Variants in FTCD observed in about 807,000 individuals in gnomAD.
The protein encoded by FTCD is formimidoyltransferase cyclodeaminase.
A neutral mutation model predicts 62.9 loss-of-function variants in FTCD; 76 were observed. The observed-to-expected ratio is 1.21, with a 90% confidence interval of 1.00 to 1.46. FTCD has a LOEUF of 1.46. FTCD is among the 40% of genes most tolerant of loss of function. The pLI, the probability that FTCD is intolerant of heterozygous loss-of-function variation, is 0.00. For synonymous variants in FTCD, 397 were observed against 336.9 expected (o/e 1.18, Z -1.95); for missense variants, 845 against 751.3 (o/e 1.12, Z -1.46).
intron 13 of FTCD, 31 bp downstream of exon 13, chr21:46,137,208 G>A (rs377363065): frequency 5.1e-6 from 8 of 1,582,792 alleles, no homozygotes; most frequent in South Asian, 1.1e-5. Context: ...CCCCACGTGG[G>A]GTCCGGGCAC....
chr21:46,146,458 A>C (rs1008490758), intron 7 of FTCD, 131 bp from the exon 8 acceptor site: 20 of 702,750 alleles, frequency 2.8e-5, no homozygotes, highest in Non-Finnish European at 4.6e-5. Context: ...TGCGGGGAGC[A>C]GGGCAGGGGC....
At position 46,154,336 on chromosome 21, in the gene FTCD, G is replaced by A; in HGVS notation, c.55-4C>T. ...CTCCAGAGATGGCGTCGATCACCTG[G>A]GACACAGGCCCGGCCCCCACACCTC... On this transcript the variant is annotated splice_region_variant and splice_polypyrimidine_tract_variant and intron_variant, in intron 1 of 13. Transcript: ENST00000397746. 2 of 1,608,632 alleles carry A rather than the reference G, an allele frequency of 1.2e-6. No individual in the cohort carries two copies. Among genetic ancestry groups the A allele is most frequent in the Non-Finnish European group, 1.7e-6 (2 of 1,178,860 alleles).
At chr21:46,140,263 C>A (rs1265996325) in intron 10 of FTCD, among the ~76,000 whole-genome samples, 6 of 148,844 alleles carry the variant, frequency 4.0e-5, no homozygotes, top group African/African-American at 1.0e-4. Context: ...CAGCACTCCC[C>A]GTCCACCTTC....
intron 10 of FTCD, chr21:46,142,076 G>C (rs915691388): frequency 1.3e-5 from 2 of 152,298 alleles, no homozygotes; most frequent in African/African-American, 4.8e-5. Context: ...CCCCCGAAGG[G>C]CCTATCTACT....
chr21:46,136,559 G>A, downstream of FTCD: 3 of 1,588,188 alleles, frequency 1.9e-6, no homozygotes, highest in African/African-American at 1.3e-5. Flanking sequence ...CCAGGGACCT[G>A]CACTGAACCC....
chr21:46,150,280 G>A, intron 6 of FTCD, 30 bp from the exon 7 acceptor site: 1 of 1,608,626 alleles, frequency 6.2e-7, no homozygotes, highest in African/African-American at 1.3e-5. Context: ...GTCACCCCCT[G>A]GGGGCTGGCT....
intron 10 of FTCD, among the ~76,000 whole-genome samples, chr21:46,143,369 C>G (rs1474290811): frequency 6.6e-6 from 1 of 151,640 alleles, no homozygotes; most frequent in African/African-American, 2.4e-5. Flanking sequence ...CCTACCCCCC[C>G]TCCCCATCTC....
chr21:46,139,502 T>C (rs1017978376), intron 10 of FTCD, among the ~76,000 whole-genome samples: 2 of 152,168 alleles, frequency 1.3e-5, no homozygotes, highest in Non-Finnish European at 2.9e-5. Context: ...AAGGACCCAC[T>C]GGGAGCCCTA....
At chr21:46,150,067 C>A in intron 7 of FTCD, 52 bp downstream of exon 7, 2 of 1,555,404 alleles carry the variant, frequency 1.3e-6, no homozygotes, top group South Asian at 2.3e-5. Flanking sequence ...CCACCGCCTC[C>A]CCACCCTCCC....
chr21:46,139,845 C>G (rs2078955622), intron 10 of FTCD, among the ~76,000 whole-genome samples: 2 of 152,190 alleles, frequency 1.3e-5, no homozygotes, highest in African/African-American at 4.8e-5. Context: ...GGACAGCCAT[C>G]CTCAAGCTGC....
chr21:46,141,233 C>A (rs1371097442), intron 10 of FTCD, among the ~76,000 whole-genome samples: 1 of 148,960 alleles, frequency 6.7e-6, no homozygotes, highest in Non-Finnish European at 1.5e-5. Flanking sequence ...AAACTCCTGG[C>A]CTCAAGCTAC....
In FTCD at chr21:46,148,379, T is replaced by C. The variant is rs1335131214; in HGVS notation, c.906+1740A>G. ...TGGTGCACACCTGTCGTCCCAACACTTTTAGGAGGCTGACGTGAGTGGATT... is the reference window on the plus strand; with the variant it reads ...TGGTGCACACCTGTCGTCCCAACACCTTTAGGAGGCTGACGTGAGTGGATT... On this transcript the variant is annotated intron_variant, in intron 7 of 13. Coordinates refer to ENST00000397746, the MANE Select transcript of FTCD (RefSeq NM_206965.2). Among the ~76,000 whole-genome samples the C allele has an allele frequency of 2.0e-5, 3 of 152,134 alleles. No individual in the cohort carries two copies. In the East Asian group the frequency reaches 5.8e-4, roughly 29 times the overall value.
chr21:46,152,795 C>T (rs1403775816), intron 3 of FTCD, 112 bp downstream of exon 3: 16 of 918,336 alleles, frequency 1.7e-5, no homozygotes, highest in Non-Finnish European at 2.5e-5. Flanking sequence ...TTTTGGAACA[C>T]TCTGCCCTTG....
In FTCD at chr21:46,145,908, G is replaced by A; in HGVS notation, c.1008C>T (p.Gly336=). 6.7e-7 allele frequency: 1 copy of A among 1,499,976 alleles called. No individual in the cohort carries two copies. Among genetic ancestry groups the A allele is most frequent in the Non-Finnish European group, 8.8e-7 (1 of 1,131,934 alleles). The allele number at this position is 1,499,976 out of a possible 1,614,324, so 92.9% of individuals were successfully genotyped here. ...VPERGPERGL[G]SKSLRAFVGE... ...CCACGAAGGCGCGCAGGGACTTGCT[G>A]CCCAGGCCTCGCTCAGGCCCGCGCT... is the stretch of plus-strand genomic sequence containing the variant. The change falls in exon 9 of 14, where the codon GGC becomes GGT. Residue 336 remains glycine (G), a synonymous_variant. Coordinates refer to ENST00000397746, the MANE Select transcript of FTCD (RefSeq NM_206965.2).
rs899346607 is a variant in FTCD, at chr21:46,137,045, T to C, written c.1568A>G (p.Gln523Arg). ...CAGTGCAGCCTGGGTCTTGGCTTCC[T>C]GCAGGAGGCTGGAAACACGATGGTG... ...QIHHRVSSLL[Q>R]EAKTQAALVL... The change falls in exon 14 of 14, where the codon CAG becomes CGG. Residue 523 changes from glutamine to arginine, a missense_variant. Coordinates refer to ENST00000397746, the MANE Select transcript of FTCD (RefSeq NM_206965.2). 2 of 1,613,566 alleles carry C rather than the reference T, an allele frequency of 1.2e-6. No individual in the cohort carries two copies. Among genetic ancestry groups the C allele is most frequent in the Non-Finnish European group, 1.7e-6 (2 of 1,179,958 alleles).
intron 11 of FTCD, 65 bp downstream of exon 11, chr21:46,138,815 C>G: frequency 1.3e-6 from 2 of 1,486,912 alleles, no homozygotes; most frequent in South Asian, 2.3e-5. Flanking sequence ...CCCAGGTACT[C>G]GGGATCCTGG....
chr21:46,138,047 C>T (rs950040092), intron 12 of FTCD, among the ~76,000 whole-genome samples: 1 of 152,224 alleles, frequency 6.6e-6, no homozygotes, highest in Non-Finnish European at 1.5e-5. Flanking sequence ...CAGGCACCAC[C>T]GTGCCTGGCT....
intron 12 of FTCD, 49 bp from the exon 13 acceptor site, chr21:46,137,383 G>T: frequency 7.2e-7 from 1 of 1,380,950 alleles, no homozygotes. Context: ...TGAGCAAACT[G>T]CCGGAAGGAG....
At chr21:46,145,343 G>T in intron 10 of FTCD, 74 bp downstream of exon 10, 1 of 1,265,758 alleles carries the variant, frequency 7.9e-7, no homozygotes, top group Non-Finnish European at 1.1e-6. Flanking sequence ...AGGCTGACCC[G>T]CTTCTCACTG....
Sources: gnomAD v4.1 joint callset for allele counts (sites outside exome capture counted in the v4.1 genomes callset) on GRCh38, gnomAD v4.1.1 for gene constraint, MANE v1.5 for transcripts, NCBI Gene and HGNC (gene_info 2026-07-23, HGNC 2026-07-21) for gene names.